Variants in IL1RAPL1 observed in about 807,000 individuals in gnomAD.
IL1RAPL1 encodes interleukin 1 receptor accessory protein like 1.
IL1RAPL1 carries 3 observed loss-of-function variants against 48.4 expected under a neutral mutation model. That is an observed-to-expected ratio of 0.06 (90% CI 0.03 to 0.16). The LOEUF (loss-of-function observed/expected upper bound fraction) is 0.16. IL1RAPL1 is among the 10% of genes least tolerant of loss of function. The pLI is 1.00. For synonymous variants in IL1RAPL1, 185 were observed against 187.7 expected (o/e 0.99, Z 0.12); for missense variants, 349 against 530.6 (o/e 0.66, Z 3.36).
intron 1 of IL1RAPL1, among the ~76,000 whole-genome samples, chrX:28,761,065 C>A (rs1321007025): frequency 5.2e-4 from 50 of 96,042 alleles, no homozygotes; most frequent in Non-Finnish European, 9.0e-4. Flanking sequence ...CCAGCCTGGG[C>A]AACAGAGCGA....
chrX:28,714,576 G>A (rs1345049061), intron 1 of IL1RAPL1, among the ~76,000 whole-genome samples: 1 of 112,096 alleles, frequency 8.9e-6, no homozygotes, highest in Non-Finnish European at 1.9e-5. Context: ...AACTGTGAAA[G>A]CATACATTTA....
intron 1 of IL1RAPL1, among the ~76,000 whole-genome samples, chrX:28,756,542 A>T (rs1186853413): frequency 1.8e-5 from 2 of 111,892 alleles, no homozygotes; most frequent in Non-Finnish European, 1.9e-5. Context: ...CTCTCTTGTT[A>T]AAAATTGCTT....
intron 3 of IL1RAPL1, among the ~76,000 whole-genome samples, chrX:29,290,999 A>G (rs1400670756): frequency 1.8e-5 from 2 of 111,564 alleles, no homozygotes; most frequent in African/African-American, 3.3e-5. Flanking sequence ...ACTGTCATTC[A>G]TGTCCTTATA....
intron 1 of IL1RAPL1, among the ~76,000 whole-genome samples, chrX:28,676,732 G>GAA (rs59121882): frequency 1.2e-3 from 119 of 95,746 alleles, no homozygotes; most frequent in East Asian, 6.7e-3. Context: ...GAGTCTGACT[G>GAA]AAAAAAAAAA....
At chrX:29,639,600 G>C (rs946461624) in intron 5 of IL1RAPL1, among the ~76,000 whole-genome samples, 16 of 94,144 alleles carry the variant, frequency 1.7e-4, no homozygotes, top group Non-Finnish European at 2.9e-4. Flanking sequence ...GCATGGCTTT[G>C]ATGATTCTGT....
intron 6 of IL1RAPL1, among the ~76,000 whole-genome samples, chrX:29,870,481 T>C (rs1245918280): frequency 1.8e-5 from 2 of 111,987 alleles, no homozygotes; most frequent in East Asian, 5.7e-4. Flanking sequence ...ACAGCTCCGA[T>C]AGGCAGTTAT....
At chrX:28,762,809 CACACACACACACACAG>C (rs1471277580) in intron 1 of IL1RAPL1, among the ~76,000 whole-genome samples, 1 of 71,982 alleles carries the variant, frequency 1.4e-5, no homozygotes, top group Non-Finnish European at 2.8e-5. Context: ...CACACACACA[CACACACACACACACAG>C]AGAGAGAGAG....
intron 7 of IL1RAPL1, among the ~76,000 whole-genome samples, chrX:29,918,238 TA>T (rs771849523): frequency 0.084 from 4,983 of 59,311 alleles, 452 homozygotes; most frequent in African/African-American, 0.23. Context: ...ACCTTTTTTT[TA>T]AAAAAAAAAA....
At chrX:29,486,612 C>CAAAAAAA (rs768358495) in intron 5 of IL1RAPL1, among the ~76,000 whole-genome samples, 4 of 40,909 alleles carry the variant, frequency 9.8e-5, no homozygotes, top group Non-Finnish European at 1.2e-4. Context: ...AAGTGCTATA[C>CAAAAAAA]AAAAAAAAAA....
At chrX:29,705,747 G>C (rs149100723) in intron 6 of IL1RAPL1, among the ~76,000 whole-genome samples, 1 of 112,034 alleles carries the variant, frequency 8.9e-6, no homozygotes, top group East Asian at 2.8e-4. Flanking sequence ...ACATGGACTT[G>C]AGCTTCAGAT....
At chrX:28,752,707 T>C (rs905149660) in intron 1 of IL1RAPL1, among the ~76,000 whole-genome samples, 2 of 112,305 alleles carry the variant, frequency 1.8e-5, no homozygotes, top group Non-Finnish European at 3.8e-5. Context: ...AGGTGATTGA[T>C]GCCCAGGCTT....
At chrX:29,940,471 T>C (rs1258050243) in intron 8 of IL1RAPL1, among the ~76,000 whole-genome samples, 1 of 111,888 alleles carries the variant, frequency 8.9e-6, no homozygotes. Context: ...AATAACATTA[T>C]TTTACAGCTT....
chrX:29,397,526 C>T (rs1297065557), intron 4 of IL1RAPL1, among the ~76,000 whole-genome samples: 2 of 111,530 alleles, frequency 1.8e-5, no homozygotes, highest in African/African-American at 6.5e-5. Flanking sequence ...AATCCTAGAC[C>T]ATGTTAAATG....
intron 1 of IL1RAPL1, among the ~76,000 whole-genome samples, chrX:28,772,884 C>T (rs1400575515): frequency 9.0e-6 from 1 of 111,502 alleles, no homozygotes; most frequent in Non-Finnish European, 1.9e-5. Context: ...GTGTTATACT[C>T]ACTTGTGGAA....
At position 29,697,442 on chromosome X, in the gene IL1RAPL1, A is replaced by T. The variant is rs149540675; in HGVS notation, c.778+28938A>T. On this transcript the variant is annotated intron_variant, in intron 6 of 10. Transcript: ENST00000378993. ...ACAGGTAGCCCTAAATTAACATAAG[A>T]TGTTTCCACAATGTTTTTAACTGAC... is the stretch of plus-strand genomic sequence containing the variant. Among the ~76,000 whole-genome samples the T allele has an allele frequency of 2.7e-5, 3 of 112,312 alleles. No individual in the cohort carries two copies. In the East Asian group the frequency reaches 8.3e-4, roughly 31 times the overall value.
chrX:28,633,294 C>T (rs1230423345), intron 1 of IL1RAPL1, among the ~76,000 whole-genome samples: 1 of 111,036 alleles, frequency 9.0e-6, no homozygotes, highest in Non-Finnish European at 1.9e-5. Flanking sequence ...CTCCTGAGGA[C>T]CATTGGTGGT....
chrX:29,486,570 A>G (rs1164758260), intron 5 of IL1RAPL1, among the ~76,000 whole-genome samples: 1 of 101,206 alleles, frequency 9.9e-6, no homozygotes, highest in Non-Finnish European at 2.0e-5. Flanking sequence ...AGATGAACAA[A>G]TGAGTGTGAG....
intron 6 of IL1RAPL1, among the ~76,000 whole-genome samples, chrX:29,773,522 T>G (rs1403461705): frequency 1.8e-5 from 2 of 112,702 alleles, no homozygotes; most frequent in Non-Finnish European, 3.7e-5. Flanking sequence ...GAGTTTAATT[T>G]AAATTTAATA....
chrX:29,646,870 A>G (rs1166665084), intron 5 of IL1RAPL1, among the ~76,000 whole-genome samples: 1 of 111,806 alleles, frequency 8.9e-6, no homozygotes, highest in Middle Eastern at 4.2e-3. Flanking sequence ...GCTGTCCTTC[A>G]GAAATGAAGG....
Sources: allele counts gnomAD v4.1 joint callset (sites outside exome capture counted in the v4.1 genomes callset), GRCh38; gene constraint gnomAD v4.1.1; transcripts MANE v1.5; gene names NCBI Gene and HGNC (gene_info 2026-07-23, HGNC 2026-07-21).